KALRN: variants seen among roughly 807,000 people sequenced by gnomAD.
KALRN encodes the protein kalirin RhoGEF kinase, also known as kalirin.
KALRN carries 70 observed loss-of-function variants against 353.7 expected under a neutral mutation model. The ratio of observed to expected loss-of-function variants is 0.20; its 90% CI spans 0.16 to 0.24. The LOEUF (loss-of-function observed/expected upper bound fraction) is 0.24. Ranked by LOEUF, KALRN falls within the 10% of genes least tolerant of loss-of-function variation. The pLI is 1.00. For missense variants in KALRN, 2,791 were observed against 3,756.7 expected (o/e 0.74, Z 6.72); for synonymous variants, 1,391 against 1,434.8 (o/e 0.97, Z 0.69).
chr3:124,385,077 G>C, intron 11 of KALRN, 41 bp downstream of exon 11: 1 of 1,516,068 alleles, frequency 6.6e-7, no homozygotes, highest in Admixed American at 1.9e-5. Context: ...TGTCCTGCCA[G>C]GGTCAGGTCG....
Position 124,558,280 on chromosome 3 carries a change from A to AT in KALRN, c.4936-4552dup, listed in dbSNP as rs558048690. Among the ~76,000 whole-genome samples the AT allele has an allele frequency of 1.9e-4, 28 of 148,876 alleles. No individual in the cohort carries two copies. In the South Asian group the frequency reaches 2.3e-3, roughly 12 times the overall value. The stretch of plus-strand genomic sequence containing the variant: ...ATAATAATTCACTAATACCGCCAGA[A>AT]TTTTTTTTTTTCTTTGAGAGGGAGT... On this transcript the variant is annotated intron_variant, in intron 33 of 59. Transcript: ENST00000682506.
At chr3:124,522,302 CACAT>C (rs1056239053) in intron 33 of KALRN, among the ~76,000 whole-genome samples, 11 of 151,678 alleles carry the variant, frequency 7.3e-5, no homozygotes, top group African/African-American at 2.4e-4. Flanking sequence ...TGTACATATA[CACAT>C]ACATATATAT....
intron 25 of KALRN, among the ~76,000 whole-genome samples, chr3:124,468,404 G>A (rs1053553839): frequency 1.3e-5 from 2 of 152,288 alleles, no homozygotes; most frequent in African/African-American, 4.8e-5. Flanking sequence ...GTGAGAGAAG[G>A]GATGTGCAGT....
intron 6 of KALRN, among the ~76,000 whole-genome samples, chr3:124,318,375 A>G (rs577462683): frequency 6.6e-6 from 1 of 152,336 alleles, no homozygotes; most frequent in Admixed American, 6.5e-5. Context: ...TTTAGAGCTC[A>G]TCACATCTCA....
chr3:124,173,315 G>A (rs951692087), intron 1 of KALRN, among the ~76,000 whole-genome samples: 4 of 152,230 alleles, frequency 2.6e-5, no homozygotes, highest in African/African-American at 7.2e-5. Flanking sequence ...AAGCTTGGGA[G>A]AACAGAGCCT....
chr3:124,701,387 TC>T (rs67270765), intron 56 of KALRN, among the ~76,000 whole-genome samples: 30,491 of 122,372 alleles, frequency 0.25, 5,144 homozygotes, highest in Non-Finnish European at 0.3. Context: ...TTTCTTTCTT[TC>T]TTTTTTTTTT....
chr3:124,476,682 C>T (rs537140136), intron 26 of KALRN, among the ~76,000 whole-genome samples: 1 of 152,212 alleles, frequency 6.6e-6, no homozygotes, highest in East Asian at 1.9e-4. Context: ...AGTTAGGAAC[C>T]ATTGTTTAGC....
chr3:124,418,517 A>G (rs1397680188), intron 14 of KALRN, among the ~76,000 whole-genome samples: 1 of 152,238 alleles, frequency 6.6e-6, no homozygotes, highest in South Asian at 2.1e-4. Flanking sequence ...AGAAAAGAAA[A>G]GAGAAAAGAT....
At chr3:124,219,304 G>C (rs1444753) in intron 1 of KALRN, among the ~76,000 whole-genome samples, 143,843 of 152,304 alleles carry the variant, frequency 0.94, 68,499 homozygotes, top group East Asian at 1. Flanking sequence ...CTGAGGCAGA[G>C]AAGTGAGTCC....
chr3:124,064,482 C>T (rs1261070455), intron 1 of KALRN, among the ~76,000 whole-genome samples: 1 of 152,110 alleles, frequency 6.6e-6, no homozygotes, highest in African/African-American at 2.4e-5. Flanking sequence ...ATTCTTCTTC[C>T]ACTTCTCTCT....
chr3:124,300,838 T>G (rs915843157), intron 6 of KALRN, among the ~76,000 whole-genome samples: 6 of 152,246 alleles, frequency 3.9e-5, no homozygotes, highest in Non-Finnish European at 1.5e-5. Context: ...CACAGTCTTG[T>G]GTCTTCATCT....
intron 14 of KALRN, 27 bp downstream of exon 14, chr3:124,413,692 CA>C: frequency 6.3e-7 from 1 of 1,578,520 alleles, no homozygotes; most frequent in African/African-American, 1.3e-5. Context: ...ATTCTCCTGG[CA>C]GAGGAGATGA....
chr3:124,258,965 A>G (rs937638787), intron 3 of KALRN, among the ~76,000 whole-genome samples: 2 of 152,238 alleles, frequency 1.3e-5, no homozygotes, highest in Non-Finnish European at 2.9e-5. Context: ...ATTATTCATA[A>G]CACTGTAATA....
chr3:124,441,707 T>C (rs984700884), intron 18 of KALRN, among the ~76,000 whole-genome samples: 4 of 151,788 alleles, frequency 2.6e-5, no homozygotes, highest in African/African-American at 9.7e-5. Flanking sequence ...GCACCTGTAG[T>C]CCCAGCTACT....
At chr3:124,441,916 C>T in intron 18 of KALRN, 29 bp from the exon 19 acceptor site, 1 of 1,399,324 alleles carries the variant, frequency 7.1e-7, no homozygotes, top group Non-Finnish European at 9.9e-7. Flanking sequence ...CCTGCTGGGA[C>T]AGGGGCCTCA....
At chr3:124,341,053 T>G (rs1306091167) in intron 9 of KALRN, among the ~76,000 whole-genome samples, 1 of 152,244 alleles carries the variant, frequency 6.6e-6, no homozygotes, top group Non-Finnish European at 1.5e-5. Context: ...ATCTTGATTG[T>G]ATGCTGGTTG....
At chr3:124,636,533 G>A (rs375640975) in intron 36 of KALRN, among the ~76,000 whole-genome samples, 45 of 152,100 alleles carry the variant, frequency 3.0e-4, no homozygotes, top group African/African-American at 1.1e-3. Flanking sequence ...TCCTGCTAAA[G>A]CCTTTTATTA....
chr3:124,539,227 C>T (rs1238336060), intron 33 of KALRN, among the ~76,000 whole-genome samples: 2 of 152,178 alleles, frequency 1.3e-5, no homozygotes, highest in African/African-American at 4.8e-5. Flanking sequence ...ATCTACTTAC[C>T]ACCCTGTTTC....
intron 28 of KALRN, among the ~76,000 whole-genome samples, chr3:124,485,374 C>T (rs2062442947): frequency 6.6e-6 from 1 of 152,024 alleles, no homozygotes. Flanking sequence ...GGTGTAAGCC[C>T]CCTAGGATGA....
Sources: gnomAD v4.1 joint callset for allele counts (sites outside exome capture counted in the v4.1 genomes callset) on GRCh38, gnomAD v4.1.1 for gene constraint, MANE v1.5 for transcripts, NCBI Gene and HGNC (gene_info 2026-07-23, HGNC 2026-07-21) for gene names.